MYH10: variants seen among roughly 807,000 people sequenced by gnomAD.
MYH10 encodes myosin-10.
Under a neutral mutation model 257.8 loss-of-function variants are expected in MYH10, and 55 were observed. The ratio of observed to expected loss-of-function variants is 0.21; its 90% CI spans 0.17 to 0.27. MYH10 has a LOEUF of 0.27. MYH10 is among the 10% of genes least tolerant of loss of function. The probability of loss-of-function intolerance (pLI) is 1.00; values close to 1 mark genes in which losing one functional copy is unlikely to be tolerated. For synonymous variants in MYH10, 854 were observed against 921.7 expected (o/e 0.93, Z 1.33); for missense variants, 1,631 against 2,500.6 (o/e 0.65, Z 7.42).
At chr17:8,507,895 G>A (rs925120180) in intron 26 of MYH10, among the ~76,000 whole-genome samples, 2 of 152,058 alleles carry the variant, frequency 1.3e-5, no homozygotes, top group Non-Finnish European at 2.9e-5. Flanking sequence ...TTGCTTGAAC[G>A]CGGGAGATGG....
chr17:8,492,322 C>A lies in MYH10; in HGVS notation c.4646G>T (p.Ser1549Ile). Residue 1549 changes from serine to isoleucine, a missense_variant, in exon 34 of 43, where the codon AGC becomes ATC. Physicochemically the swap from Ser to Ile is moderately radical, Grantham distance 142. Transcript: ENST00000360416. ...GTTTTTTCCCACATCATCTTTGGAG[C>A]TCATGAGGTCTTCCATGTCTGCTCG... ...QLRADMEDLM[S>I]SKDDVGKNVH... 1.2e-6 allele frequency: 2 copies of A among 1,613,424 alleles called. No homozygotes were observed. The highest frequency in any genetic ancestry group is 2.7e-5 in the African/African-American group (2 of 75,060).
Position 8,476,857 on chromosome 17 carries a change from G to C in MYH10, c.5879+19C>G, listed in dbSNP as rs1442007106. 1.9e-6 allele frequency: 3 copies of C among 1,595,622 alleles called. No individual in the cohort carries two copies. The highest frequency in any genetic ancestry group is 1.7e-5 in the Admixed American group (1 of 59,766). On this transcript the variant is annotated intron_variant, in intron 42 of 42. Transcript: ENST00000360416. ...CACAAAGCAGCTGCCTGTCAGCTCG[G>C]GGCCGCATGCCTGCTCACCTCAGCC...
In MYH10 at chr17:8,492,896, A is replaced by G. The variant is rs1567790731; in HGVS notation, c.4338T>C (p.Tyr1446=). The G allele has an allele frequency of 6.2e-7, 1 of 1,613,820 alleles. No homozygotes were observed. Among genetic ancestry groups the G allele is most frequent in the Non-Finnish European group, 8.5e-7 (1 of 1,179,986 alleles). Residue 1446 remains tyrosine, a synonymous_variant, in exon 33 of 43, where the codon TAT becomes TAC. Transcript: ENST00000360416. ...GGTTCTTGGTCTTCTCCAGTTTGTC[A>G]TACGCCAGTGCCTTCTCCTCCAGGC... ...SQRLEEKALA[Y]DKLEKTKNRL...
chr17:8,594,868 G>T (rs148064405), intron 3 of MYH10, among the ~76,000 whole-genome samples: 4 of 152,272 alleles, frequency 2.6e-5, no homozygotes, highest in Admixed American at 2.6e-4. Context: ...ATAATGAAAA[G>T]AACAAAAGTC....
chr17:8,479,746 A>T (rs1212010462), intron 40 of MYH10, among the ~76,000 whole-genome samples: 1 of 152,242 alleles, frequency 6.6e-6, no homozygotes, highest in East Asian at 1.9e-4. Flanking sequence ...TATGGGGAGA[A>T]GAAAGGCTCT....
intron 4 of MYH10, among the ~76,000 whole-genome samples, chr17:8,583,158 A>G (rs1265949648): frequency 6.6e-6 from 1 of 152,208 alleles, no homozygotes; most frequent in African/African-American, 2.4e-5. Flanking sequence ...CAGTAAATGG[A>G]CATAACAGAG....
intron 3 of MYH10, among the ~76,000 whole-genome samples, chr17:8,599,340 CT>C (rs963773122): frequency 5.9e-5 from 9 of 152,084 alleles, no homozygotes; most frequent in South Asian, 2.1e-4. Context: ...CTTTAATATT[CT>C]TTTTTTCCCT....
intron 17 of MYH10, among the ~76,000 whole-genome samples, chr17:8,522,432 G>C (rs1467684823): frequency 5.3e-5 from 8 of 152,176 alleles, no homozygotes; most frequent in Non-Finnish European, 1.2e-4. Context: ...TTAATTTCCA[G>C]GCCCATGCAG....
intron 3 of MYH10, among the ~76,000 whole-genome samples, chr17:8,603,573 C>T (rs372921382): frequency 4.3e-4 from 66 of 152,196 alleles, no homozygotes; most frequent in African/African-American, 1.1e-3. Context: ...AGAAAGAGAG[C>T]GCTTTCTTCT....
At chr17:8,585,754 C>A (rs1037575526) in intron 4 of MYH10, among the ~76,000 whole-genome samples, 1 of 152,004 alleles carries the variant, frequency 6.6e-6, no homozygotes, top group Non-Finnish European at 1.5e-5. Flanking sequence ...TTGTCTACAT[C>A]TGGATAACGG....
At chr17:8,512,972 G>T (rs1344997203) in intron 23 of MYH10, among the ~76,000 whole-genome samples, 3 of 152,116 alleles carry the variant, frequency 2.0e-5, no homozygotes, top group African/African-American at 7.2e-5. Flanking sequence ...AAAGTTCATG[G>T]TGATTACTAA....
At chr17:8,492,621 C>G in intron 33 of MYH10, 112 bp from the exon 34 acceptor site, 1 of 1,139,948 alleles carries the variant, frequency 8.8e-7, no homozygotes, top group Non-Finnish European at 1.2e-6. Flanking sequence ...TTATGGTGTT[C>G]TTGTATTTCC....
At chr17:8,578,244 T>TTTCTTTC in intron 4 of MYH10, among the ~76,000 whole-genome samples, 1 of 1,922 alleles carries the variant, frequency 5.2e-4, no homozygotes, top group African/African-American at 6.6e-4. Context: ...TCTTTCTTTC[T>TTTCTTTC]TTTTTTTTTT....
At chr17:8,588,143 G>C (rs1295716091) in intron 4 of MYH10, among the ~76,000 whole-genome samples, 1 of 152,078 alleles carries the variant, frequency 6.6e-6, no homozygotes. Context: ...CCTGACCCTT[G>C]AGTGTAGGCT....
At chr17:8,501,015 A>G (rs1392190520) in intron 28 of MYH10, 45 bp from the exon 29 acceptor site, 1 of 1,553,654 alleles carries the variant, frequency 6.4e-7, no homozygotes, top group East Asian at 2.3e-5. Context: ...TAGCTGACTG[A>G]TTAAAAACAC....
In MYH10 at chr17:8,575,873, TG is replaced by T. The variant is rs1376924299; in HGVS notation, c.663+769del. 2.6e-4 allele frequency among the ~76,000 whole-genome samples: 40 copies of T among 152,244 alleles called. 1 individual carries two copies. Among genetic ancestry groups the T allele is most frequent in the Admixed American group, 2.5e-3 (38 of 15,286 alleles). ...GAAATGGAGGTCATGCTATGATTCT[TG>T]CTTTTTTCACTGCTATGGTCTGTGG... On this transcript the variant is annotated intron_variant, in intron 6 of 42. Transcript: ENST00000360416.
chr17:8,512,474 T>G lies in MYH10; in HGVS notation c.2929A>C (p.Lys977Gln), dbSNP rs1188195511. 6.2e-7 allele frequency: 1 copy of G among 1,612,674 alleles called. No individual in the cohort carries two copies. The highest frequency in any genetic ancestry group is 1.7e-5 in the Admixed American group (1 of 59,700). The change falls in exon 24 of 43, where the codon AAA (lysine) becomes CAA (glutamine). Residue 977 changes from lysine (K) to glutamine (Q), a missense_variant. By Grantham distance (53) the Lys-to-Gln change is moderately conservative (BLOSUM62 1). Around this residue, in one of 11 missense-constraint regions of MYH10, gnomAD observed 169 missense variants for 249.8 expected, o/e 0.68. Transcript: ENST00000360416. ...ACCTGAATATGTGCTTGCATTTTTT[T>G]CTTTTCATTTTGGAGGATTTGGTTT... ...ERNQILQNEK[K>Q]KMQAHIQDLE...
chr17:8,565,621 T>A (rs1225665916), intron 7 of MYH10, among the ~76,000 whole-genome samples: 1 of 152,230 alleles, frequency 6.6e-6, no homozygotes, highest in East Asian at 1.9e-4. Flanking sequence ...TAATAAAAAA[T>A]CTTTTTTCTA....
At position 8,481,421 on chromosome 17, in the gene MYH10, G is replaced by A; in HGVS notation, c.5176-11C>T. On this transcript the variant is annotated splice_polypyrimidine_tract_variant and intron_variant, in intron 37 of 42. Coordinates refer to ENST00000360416, the MANE Select transcript of MYH10 (RefSeq NM_001256012.3). ...AGATGAGGCAAGTTCCTAAGCAGTG[G>A]AGACTGCGTTAAGCTCTGGCTGTGA... is the stretch of plus-strand genomic sequence containing the variant. 6.2e-7 allele frequency: 1 copy of A among 1,613,014 alleles called. No individual in the cohort carries two copies. The highest frequency in any genetic ancestry group is 1.1e-5 in the South Asian group (1 of 91,054).
Sources: allele counts gnomAD v4.1 joint callset (sites outside exome capture counted in the v4.1 genomes callset), GRCh38; gene constraint gnomAD v4.1.1; regional missense constraint gnomAD v4.1.1; transcripts MANE v1.5; gene names NCBI Gene and HGNC (gene_info 2026-07-23, HGNC 2026-07-21).